The following PCSK5 variants were observed in gnomAD, a reference collection of about 807,000 sequenced individuals.
PCSK5 encodes prohormone convertase 5.
PCSK5 carries 129 observed loss-of-function variants against 233.2 expected under a neutral mutation model. The ratio of observed to expected loss-of-function variants is 0.55; its 90% CI spans 0.48 to 0.64. PCSK5 has a LOEUF of 0.64. Among genes scored for constraint, PCSK5 ranks in the 30% least tolerant of loss-of-function variants. The pLI is 0.00. For synonymous variants in PCSK5, 825 were observed against 879.2 expected (o/e 0.94, Z 1.09); for missense variants, 2,076 against 2,430.1 (o/e 0.85, Z 3.06).
intron 7 of PCSK5, among the ~76,000 whole-genome samples, chr9:76,079,517 A>G (rs1345803650): frequency 6.6e-6 from 1 of 152,122 alleles, no homozygotes; most frequent in Non-Finnish European, 1.5e-5. Context: ...CGTTGGTTTT[A>G]TATCTTGGAG....
At chr9:76,048,418 C>T (rs1829500224) in intron 5 of PCSK5, among the ~76,000 whole-genome samples, 1 of 152,174 alleles carries the variant, frequency 6.6e-6, no homozygotes, top group African/African-American at 2.4e-5. Context: ...CTTAAAAATG[C>T]AACTTCTGAG....
At chr9:76,178,349 G>T (rs1823705978) in intron 14 of PCSK5, among the ~76,000 whole-genome samples, 1 of 152,170 alleles carries the variant, frequency 6.6e-6, no homozygotes, top group African/African-American at 2.4e-5. Context: ...TTTCCATTCA[G>T]ATGGAGAAGT....
chr9:76,142,430 T>C (rs376756108), intron 10 of PCSK5, among the ~76,000 whole-genome samples: 1 of 152,078 alleles, frequency 6.6e-6, no homozygotes, highest in Non-Finnish European at 1.5e-5. Context: ...TAACTAGGTA[T>C]AGAGCATTTC....
At chr9:76,046,160 G>GTTTTTTTTTTTCTTTTTT (rs1829368567) in intron 5 of PCSK5, among the ~76,000 whole-genome samples, 1 of 58,024 alleles carries the variant, frequency 1.7e-5, no homozygotes, top group Non-Finnish European at 3.1e-5. Flanking sequence ...TTTTTCTTTT[G>GTTTTTTTTTTTCTTTTTT]TTTTTTTTTT....
chr9:76,054,555 G>T (rs975027927), intron 5 of PCSK5, among the ~76,000 whole-genome samples: 23 of 152,166 alleles, frequency 1.5e-4, no homozygotes, highest in Non-Finnish European at 2.6e-4. Flanking sequence ...TTGAGTTGAT[G>T]TTATTTTATT....
chr9:76,294,194 C>CAAAA (rs11415964), intron 25 of PCSK5, among the ~76,000 whole-genome samples: 1 of 99,850 alleles, frequency 1.0e-5, no homozygotes, highest in Non-Finnish European at 2.1e-5. Context: ...GATTTAGTCT[C>CAAAA]AAAAAAAAAA....
chr9:75,942,875 TC>T lies in PCSK5; in HGVS notation c.297+10393del, dbSNP rs1468948669. On this transcript the variant is annotated intron_variant, in intron 2 of 37. Coordinates refer to ENST00000674117, the MANE Select transcript of PCSK5 (RefSeq NM_001372043.1). The stretch of plus-strand genomic sequence containing the variant: ...TTTCTAGTTGTTGTGGTATTTCTTT[TC>T]TTCTTCTTCTTTTTTTTTTTTTTTT... Among the ~76,000 whole-genome samples the T allele has an allele frequency of 8.7e-3, 1,172 of 134,334 alleles. 11 individuals carry two copies. Among genetic ancestry groups the T allele is most frequent in the Middle Eastern group, 0.013 (3 of 232 alleles). The allele number at this position is 134,334 out of a possible 152,430, so 88.1% of individuals were successfully genotyped here.
At position 76,239,587 on chromosome 9, in the gene PCSK5, A is replaced by C. The variant is rs1826364654; in HGVS notation, c.3073+422A>C. 1.3e-5 allele frequency among the ~76,000 whole-genome samples: 2 copies of C among 151,380 alleles called. 1 individual carries two copies. The highest frequency in any genetic ancestry group is 4.2e-4 in the South Asian group (2 of 4,776). On this transcript the variant is annotated intron_variant, in intron 23 of 37. Transcript: ENST00000674117. ...GTTGCATGCCTATAATCCCAGCTAC[A>C]CAGGAGGTTGAGGCAGGAGAATGGC... is the stretch of plus-strand genomic sequence containing the variant.
chr9:76,282,564 C>G (rs1160795503), intron 24 of PCSK5, among the ~76,000 whole-genome samples: 2 of 152,080 alleles, frequency 1.3e-5, no homozygotes, highest in Non-Finnish European at 2.9e-5. Flanking sequence ...GTGATCCTTC[C>G]ATCTCAGCCT....
intron 6 of PCSK5, among the ~76,000 whole-genome samples, chr9:76,068,464 T>A (rs1219602391): frequency 6.6e-6 from 1 of 152,156 alleles, no homozygotes; most frequent in Non-Finnish European, 1.5e-5. Flanking sequence ...TTGTTTTTTT[T>A]CCTTTGGCTT....
chr9:76,027,525 T>C (rs1380097592), intron 5 of PCSK5, among the ~76,000 whole-genome samples: 2 of 152,124 alleles, frequency 1.3e-5, no homozygotes, highest in Non-Finnish European at 2.9e-5. Flanking sequence ...AGAAGGATTA[T>C]TGCCAACTGA....
chr9:75,891,069 C>CTGCGGCGGCCCGGGGCTGCGAGA lies in PCSK5; in HGVS notation c.-94_-93insGAGATGCGGCGGCCCGGGGCTGC. On this transcript the variant is annotated 5_prime_UTR_variant, in exon 1 of 38. The change creates a new upstream start codon in the 5' untranslated region. Coordinates refer to ENST00000674117, the MANE Select transcript of PCSK5 (RefSeq NM_001372043.1). Reference sequence around the variant, plus strand: ...CCTGCCGATCGCCCGGGGCTGCGAGCTGCGGCGGCCCGGGGCTGCTCGCCG... The same window carrying CTGCGGCGGCCCGGGGCTGCGAGA: ...CCTGCCGATCGCCCGGGGCTGCGAGCTGCGGCGGCCCGGGGCTGCGAGATGCGGCGGCCCGGGGCTGCTCGCCG... 1 of 1,004,956 alleles carries CTGCGGCGGCCCGGGGCTGCGAGA rather than the reference C, an allele frequency of 1.0e-6. No individual in the cohort carries two copies. Among genetic ancestry groups the CTGCGGCGGCCCGGGGCTGCGAGA allele is most frequent in the Non-Finnish European group, 1.3e-6 (1 of 752,986 alleles). The allele number at this position is 1,004,956 out of a possible 1,614,324, so 62.3% of individuals were successfully genotyped here.
intron 4 of PCSK5, among the ~76,000 whole-genome samples, chr9:76,024,378 A>T (rs1828330768): frequency 6.6e-6 from 1 of 152,224 alleles, no homozygotes; most frequent in Non-Finnish European, 1.5e-5. Context: ...TCATTTGAAC[A>T]AAACAGTTGA....
intron 20 of PCSK5, among the ~76,000 whole-genome samples, chr9:76,208,057 A>G (rs1825191797): frequency 6.6e-6 from 1 of 152,154 alleles, no homozygotes; most frequent in South Asian, 2.1e-4. Flanking sequence ...TCATCTTTTT[A>G]TCAGGAGCCC....
intron 20 of PCSK5, chr9:76,193,130 A>G (rs909210407): frequency 4.2e-6 from 4 of 941,974 alleles, no homozygotes; most frequent in Non-Finnish European, 6.3e-6. Context: ...GATCTCTTCC[A>G]ATTCCCCAAA....
At position 75,938,859 on chromosome 9, in the gene PCSK5, G is replaced by T. The variant is rs530534617; in HGVS notation, c.297+6376G>T. 5.9e-5 allele frequency among the ~76,000 whole-genome samples: 9 copies of T among 152,242 alleles called. No homozygotes were observed. In the East Asian group the frequency reaches 1.5e-3, roughly 26 times the overall value. ...GGGTGGGTGATTTGTGTGCCAGAGT[G>T]GGGGTACATTTGTGGGTTTGGACCA... On this transcript the variant is annotated intron_variant, in intron 2 of 37. Coordinates refer to ENST00000674117, the MANE Select transcript of PCSK5 (RefSeq NM_001372043.1).
At chr9:76,194,704 G>GGC (rs1824602394) in intron 20 of PCSK5, 1 of 457,220 alleles carries the variant, frequency 2.2e-6, no homozygotes, top group Non-Finnish European at 4.5e-6. Flanking sequence ...TTGGATTAGT[G>GGC]GCCAGAAACG....
intron 20 of PCSK5, chr9:76,193,163 AC>A: frequency 7.4e-7 from 1 of 1,353,640 alleles, no homozygotes; most frequent in South Asian, 1.3e-5. Flanking sequence ...GCCAATCACA[AC>A]CTTCTTCCAT....
chr9:75,992,586 C>G (rs1563959961), intron 3 of PCSK5, among the ~76,000 whole-genome samples: 1 of 146,270 alleles, frequency 6.8e-6, no homozygotes, highest in Non-Finnish European at 1.5e-5. Context: ...CACACACACA[C>G]ACATACACAC....
Sources: allele counts gnomAD v4.1 joint callset (sites outside exome capture counted in the v4.1 genomes callset), GRCh38; gene constraint gnomAD v4.1.1; transcripts MANE v1.5; gene names NCBI Gene and HGNC (gene_info 2026-07-23, HGNC 2026-07-21).